The following CA10 variants were observed in gnomAD, a reference collection of about 807,000 sequenced individuals.
The protein encoded by CA10 is carbonic anhydrase-related protein 10.
A neutral mutation model predicts 44.2 loss-of-function variants in CA10; 14 were observed. That is an observed-to-expected ratio of 0.32 (90% CI 0.21 to 0.50). The LOEUF is 0.50. Among genes scored for constraint, CA10 ranks in the 20% least tolerant of loss-of-function variants. The probability of loss-of-function intolerance (pLI) is 0.99; values close to 1 mark genes in which losing one functional copy is unlikely to be tolerated. For synonymous variants in CA10, 159 were observed against 141.6 expected, an observed-to-expected ratio of 1.12 and a Z score of -0.87; for missense variants, 350 against 409.7, an observed-to-expected ratio of 0.85 and a Z score of 1.26.
At chr17:51,736,870 AG>A (rs1916931110) in intron 4 of CA10, among the ~76,000 whole-genome samples, 1 of 152,166 alleles carries the variant, frequency 6.6e-6, no homozygotes, top group African/African-American at 2.4e-5. Flanking sequence ...GAAGGAATGA[AG>A]GTCCTCCGCA....
intron 1 of CA10, among the ~76,000 whole-genome samples, chr17:52,100,757 T>A (rs1988519009): frequency 6.6e-6 from 1 of 152,138 alleles, no homozygotes; most frequent in African/African-American, 2.4e-5. Context: ...ACATCTCAAA[T>A]ATATCACCCC....
rs143497582 is a variant in CA10, at chr17:51,675,861, C to T, written c.466-22125G>A. Among the ~76,000 whole-genome samples, 324 of 152,258 alleles carry T rather than the reference C, an allele frequency of 2.1e-3. 2 individuals carry two copies. The highest frequency in any genetic ancestry group is 7.3e-3 in the African/African-American group (303 of 41,544). ...GGACCGCAATTACTTTTGTACCCAA[C>T]GAATAAGATTTTCTCTTACTTGACA... is the stretch of plus-strand genomic sequence containing the variant. On this transcript the variant is annotated intron_variant, in intron 4 of 8. Coordinates refer to ENST00000451037, the MANE Select transcript of CA10 (RefSeq NM_020178.5).
At chr17:51,770,663 G>C (rs570903667) in intron 3 of CA10, among the ~76,000 whole-genome samples, 1 of 152,148 alleles carries the variant, frequency 6.6e-6, no homozygotes, top group Non-Finnish European at 1.5e-5. Flanking sequence ...GTTGGCTCAT[G>C]GTTCTGCAGC....
chr17:51,889,416 C>A (rs1980757928), intron 3 of CA10, among the ~76,000 whole-genome samples: 1 of 152,028 alleles, frequency 6.6e-6, no homozygotes, highest in South Asian at 2.1e-4. Flanking sequence ...CCCAGCTAAC[C>A]AGGAGGCTGA....
At chr17:52,135,280 T>C (rs1254891246) in intron 1 of CA10, among the ~76,000 whole-genome samples, 2 of 152,146 alleles carry the variant, frequency 1.3e-5, no homozygotes, top group Admixed American at 1.3e-4. Context: ...ACAAACCACC[T>C]GATGCTGCCC....
intron 1 of CA10, among the ~76,000 whole-genome samples, chr17:52,151,679 AT>A (rs1989705735): frequency 6.6e-6 from 1 of 152,122 alleles, no homozygotes; most frequent in South Asian, 2.1e-4. Context: ...GTCAACAAGT[AT>A]TGTTATTGAT....
At chr17:51,914,500 A>G (rs1011440921) in intron 3 of CA10, among the ~76,000 whole-genome samples, 5 of 152,204 alleles carry the variant, frequency 3.3e-5, no homozygotes, top group African/African-American at 1.2e-4. Flanking sequence ...CAATGGTCAG[A>G]TAACAAAACA....
chr17:51,637,397 G>A (rs1289429737), intron 6 of CA10, among the ~76,000 whole-genome samples: 2 of 152,086 alleles, frequency 1.3e-5, no homozygotes. Flanking sequence ...TATCTCTAGA[G>A]GTATCACATC....
chr17:51,961,032 G>A (rs1983866825), intron 2 of CA10, among the ~76,000 whole-genome samples: 1 of 152,190 alleles, frequency 6.6e-6, no homozygotes. Flanking sequence ...AGCAGAAGAA[G>A]ACATTCTAAC....
At chr17:51,824,913 G>A (rs553909333) in intron 3 of CA10, among the ~76,000 whole-genome samples, 68 of 152,352 alleles carry the variant, frequency 4.5e-4, no homozygotes, top group African/African-American at 1.4e-3. Flanking sequence ...ATTTGCAGGC[G>A]TGGCCTTGGC....
chr17:51,716,736 C>T (rs2143510271), intron 4 of CA10, among the ~76,000 whole-genome samples: 1 of 152,278 alleles, frequency 6.6e-6, no homozygotes, highest in East Asian at 1.9e-4. Context: ...GAATTACAGG[C>T]CTCAATAAAT....
intron 1 of CA10, among the ~76,000 whole-genome samples, chr17:52,107,816 C>T (rs369253490): frequency 3.3e-5 from 5 of 152,222 alleles, no homozygotes; most frequent in African/African-American, 1.2e-4. Context: ...AAGACATTTG[C>T]TCAGGTAGGG....
chr17:51,932,615 T>C (rs1176012364), intron 2 of CA10, among the ~76,000 whole-genome samples: 1 of 152,126 alleles, frequency 6.6e-6, no homozygotes, highest in Non-Finnish European at 1.5e-5. Context: ...TTTCCTTTAG[T>C]TTAAGGAGTT....
intron 4 of CA10, among the ~76,000 whole-genome samples, chr17:51,731,396 T>C (rs1000727238): frequency 3.3e-5 from 5 of 151,976 alleles, no homozygotes; most frequent in African/African-American, 1.2e-4. Flanking sequence ...GAAAGGGAAA[T>C]GGATTCTGGT....
chr17:51,953,246 G>A (rs938978631), intron 2 of CA10, among the ~76,000 whole-genome samples: 1 of 152,008 alleles, frequency 6.6e-6, no homozygotes, highest in Admixed American at 6.6e-5. Context: ...TTCACAGATG[G>A]CTATCTGGTT....
intron 2 of CA10, among the ~76,000 whole-genome samples, chr17:52,053,436 CA>C (rs1210616036): frequency 3.9e-5 from 6 of 151,996 alleles, no homozygotes; most frequent in Admixed American, 3.3e-4. Context: ...TTAAAAAGTT[CA>C]ATCAGTATAC....
At chr17:51,703,357 T>C (rs1383359629) in intron 4 of CA10, among the ~76,000 whole-genome samples, 2 of 152,076 alleles carry the variant, frequency 1.3e-5, no homozygotes, top group Non-Finnish European at 2.9e-5. Context: ...ATAATATCTT[T>C]CCATGGAAAG....
intron 3 of CA10, among the ~76,000 whole-genome samples, chr17:51,893,359 C>T (rs901554815): frequency 5.9e-5 from 9 of 151,920 alleles, no homozygotes; most frequent in Non-Finnish European, 1.2e-4. Flanking sequence ...GCAGGGGATA[C>T]GGGAAGGGAA....
intron 2 of CA10, among the ~76,000 whole-genome samples, chr17:52,045,297 A>ATT (rs1024950314): frequency 1.9e-3 from 284 of 152,140 alleles, no homozygotes; most frequent in African/African-American, 6.4e-3. Flanking sequence ...GCTCTGCAAT[A>ATT]TTTCAAAGAA....
Sources: gnomAD v4.1 joint callset for allele counts (sites outside exome capture counted in the v4.1 genomes callset) on GRCh38, gnomAD v4.1.1 for gene constraint, MANE v1.5 for transcripts, NCBI Gene and HGNC (gene_info 2026-07-23, HGNC 2026-07-21) for gene names.